PHLDA3: variants seen among roughly 807,000 people sequenced by gnomAD.
PHLDA3 encodes pleckstrin homology like domain family A member 3.
Under a neutral mutation model 7.6 loss-of-function variants are expected in PHLDA3, and 12 were observed. The observed-to-expected ratio is 1.58, with a 90% CI of 1.01 to 2.55. The LOEUF (loss-of-function observed/expected upper bound fraction) is 2.55. Among genes scored for constraint, PHLDA3 ranks in the 30% most tolerant of loss-of-function variants. The pLI, the probability that PHLDA3 is intolerant of heterozygous loss-of-function variation, is 0.00. For missense variants in PHLDA3, 177 were observed against 175.6 expected (o/e 1.01, Z -0.05); for synonymous variants, 104 against 85.1 (o/e 1.22, Z -1.23).
rs1013510636 is a variant in PHLDA3 at position 201,465,267 on chromosome 1, A to AAG, written c.*972_*973dup. The stretch of plus-strand genomic sequence containing the variant: ...GCAGGGGCAGGGTAGCCTCCTGTAG[A>AAG]AGAGACATTCATAGGGACTGAACTG... On this transcript the variant is annotated 3_prime_UTR_variant, in exon 2 of 2. Transcript: ENST00000367311. 76 of 152,380 alleles carry AAG rather than the reference A, an allele frequency of 5.0e-4. No homozygotes were observed. Among genetic ancestry groups the AAG allele is most frequent in the African/African-American group, 1.7e-3 (72 of 41,576 alleles). 9.4% of individuals were successfully genotyped at this position (152,380 alleles called of 1,614,324 possible). A position where few individuals can be genotyped will look rare whatever the true frequency, so the allele number is the denominator to read the frequency against.
Position 201,466,008 on chromosome 1 carries a change from T to C in PHLDA3, c.*233A>G, listed in dbSNP as rs928610066. ...CCCTGAGCTGGGCATGTCCTGAGAG[T>C]CTGGGACCATCCAGGGGCTGCATCT... On this transcript the variant is annotated 3_prime_UTR_variant, in exon 2 of 2. Coordinates refer to ENST00000367311, the MANE Select transcript of PHLDA3 (RefSeq NM_012396.5). 6.5e-6 allele frequency: 1 copy of C among 154,616 alleles called. No homozygotes were observed. The highest frequency in any genetic ancestry group is 2.4e-5 in the African/African-American group (1 of 41,406). The allele number at this position is 154,616 out of a possible 1,614,324, so 9.6% of individuals were successfully genotyped here.
At chr1:201,468,247 C>T (rs1305809675) in intron 1 of PHLDA3, 94 bp downstream of exon 1, 4 of 925,982 alleles carry the variant, frequency 4.3e-6, no homozygotes, top group Admixed American at 3.0e-5. Context: ...CTAAGATGTC[C>T]GGCTCTGAAG....
rs905577582 is a variant in PHLDA3, at chr1:201,468,773, G to A, written c.14C>T (p.Ala5Val). MTAA[A>V]TATVLKEGVL... ...GCCCTCCTTGAGCACGGTAGCCGTC[G>A]CCGCCGCCGTCATGGGCGCCCCGAG... Residue 5 changes from alanine to valine, a missense_variant, in exon 1 of 2, where the codon GCG becomes GTG. Ala to Val is a moderately conservative substitution (Grantham distance 64, BLOSUM62 0). Coordinates refer to ENST00000367311, the MANE Select transcript of PHLDA3 (RefSeq NM_012396.5). 3 of 1,559,490 alleles carry A rather than the reference G, an allele frequency of 1.9e-6. No individual in the cohort carries two copies. Among genetic ancestry groups the A allele is most frequent in the Non-Finnish European group, 2.6e-6 (3 of 1,160,782 alleles).
intron 1 of PHLDA3, among the ~76,000 whole-genome samples, chr1:201,467,788 C>G (rs1246300232): frequency 1.3e-5 from 2 of 152,210 alleles, no homozygotes; most frequent in African/African-American, 4.8e-5. Flanking sequence ...CTCCTTGGCT[C>G]TATTTGCAAC....
At chr1:201,468,088 C>T (rs1002075818) in intron 1 of PHLDA3, among the ~76,000 whole-genome samples, 4 of 152,216 alleles carry the variant, frequency 2.6e-5, no homozygotes, top group Admixed American at 2.6e-4. Flanking sequence ...ACCCAGGTAT[C>T]CCCCTCCCAG....
At position 201,465,943 on chromosome 1, in the gene PHLDA3, C is replaced by G. The variant is rs1663655199; in HGVS notation, c.*298G>C. The G allele has an allele frequency of 6.5e-6, 1 of 154,984 alleles. No individual in the cohort carries two copies. Among genetic ancestry groups the G allele is most frequent in the Non-Finnish European group, 1.5e-5 (1 of 68,360 alleles). The allele number at this position is 154,984 out of a possible 1,614,324, so 9.6% of individuals were successfully genotyped here. On this transcript the variant is annotated 3_prime_UTR_variant, in exon 2 of 2. Coordinates refer to ENST00000367311, the MANE Select transcript of PHLDA3 (RefSeq NM_012396.5). ...CAGGGAGGGGGCTCCTATGCCAGCT[C>G]CCCCTCATGCCATATGAGGCCAGGC...
At chr1:201,466,298 T>G (rs973467111) in intron 1 of PHLDA3, 120 bp from the exon 2 acceptor site, 1 of 152,072 alleles carries the variant, frequency 6.6e-6, no homozygotes, top group African/African-American at 2.4e-5. Context: ...GAAAACATTT[T>G]TTGCATACGT....
chr1:201,469,134 TGCGCGCTGG>T lies in PHLDA3; in HGVS notation c.-357_-349del, dbSNP rs1473950217. 2 of 238,488 alleles carry T rather than the reference TGCGCGCTGG, an allele frequency of 8.4e-6. No individual in the cohort carries two copies. Among genetic ancestry groups the T allele is most frequent in the Non-Finnish European group, 1.6e-5 (2 of 124,710 alleles). The allele number at this position is 238,488 out of a possible 1,614,324, so 14.8% of individuals were successfully genotyped here. A position where few individuals can be genotyped will look rare whatever the true frequency, so the allele number is the denominator to read the frequency against. Reference sequence around the variant, plus strand: ...TTCTCTTGCTCCCCTGGGCTCTGTCTGCGCGCTGGGCGGCAGCTCGCGGGATGTGCCCTT... The same window carrying T: ...TTCTCTTGCTCCCCTGGGCTCTGTCTGCGGCAGCTCGCGGGATGTGCCCTT... On this transcript the variant is annotated 5_prime_UTR_variant, in exon 1 of 2. Transcript: ENST00000367311.
At position 201,469,175 on chromosome 1, in the gene PHLDA3, T is replaced by A. The variant is rs1463075112; in HGVS notation, c.-389A>T. 5.7e-6 allele frequency: 1 copy of A among 176,848 alleles called. No individual in the cohort carries two copies. Among genetic ancestry groups the A allele is most frequent in the African/African-American group, 2.4e-5 (1 of 42,200 alleles). 11.0% of individuals were successfully genotyped at this position (176,848 alleles called of 1,614,324 possible). ...GCTCGCGGGATGTGCCCTTACATGTTCCGCCGCTCGCCTCCTGCGCCGCCC... is the reference window on the plus strand; with the variant it reads ...GCTCGCGGGATGTGCCCTTACATGTACCGCCGCTCGCCTCCTGCGCCGCCC... On this transcript the variant is annotated 5_prime_UTR_variant, in exon 1 of 2. Transcript: ENST00000367311.
rs1381622491 is a variant in PHLDA3, at chr1:201,465,972, T to C, written c.*269A>G. On this transcript the variant is annotated 3_prime_UTR_variant, in exon 2 of 2. Transcript: ENST00000367311. ...CTCATGCCATATGAGGCCAGGCCTG[T>C]GGCTCGAAGCCCCTGAGCTGGGCAT... is the stretch of plus-strand genomic sequence containing the variant. The C allele has an allele frequency of 1.3e-5, 2 of 154,928 alleles. No homozygotes were observed. Among genetic ancestry groups the C allele is most frequent in the African/African-American group, 4.8e-5 (2 of 41,510 alleles). 9.6% of individuals were successfully genotyped at this position (154,928 alleles called of 1,614,324 possible). A position where few individuals can be genotyped will look rare whatever the true frequency, so the allele number is the denominator to read the frequency against.
intron 1 of PHLDA3, 131 bp from the exon 2 acceptor site, chr1:201,466,309 A>C (rs1450582785): frequency 3.3e-4 from 50 of 152,260 alleles, no homozygotes; most frequent in African/African-American, 1.2e-3. Flanking sequence ...TTGCATACGT[A>C]CTGTGGTAAA....
chr1:201,468,080 C>G (rs759294109), intron 1 of PHLDA3, among the ~76,000 whole-genome samples: 29 of 152,200 alleles, frequency 1.9e-4, no homozygotes, highest in Non-Finnish European at 4.1e-4. Flanking sequence ...CTCATCTCAC[C>G]CAGGTATCCC....
chr1:201,468,084 G>A (rs938781029), intron 1 of PHLDA3, among the ~76,000 whole-genome samples: 1 of 152,198 alleles, frequency 6.6e-6, no homozygotes, highest in Non-Finnish European at 1.5e-5. Flanking sequence ...TCTCACCCAG[G>A]TATCCCCCTC....
Position 201,468,478 on chromosome 1 carries a change from G to T in PHLDA3, c.309C>A (p.Val103=). 2 of 1,614,186 alleles carry T rather than the reference G, an allele frequency of 1.2e-6. No homozygotes were observed. Among genetic ancestry groups the T allele is most frequent in the South Asian group, 1.1e-5 (1 of 91,068 alleles). The change falls in exon 1 of 2, where the codon GTC becomes GTA. Residue 103 remains valine (V), a synonymous_variant. Transcript: ENST00000367311. ...GGATGGCCTGCTGGTTCTTGAACTTGACCAGGCCTAGGGTGATCTGGGCGT... is the reference window on the plus strand; with the variant it reads ...GGATGGCCTGCTGGTTCTTGAACTTTACCAGGCCTAGGGTGATCTGGGCGT... ...GWNAQITLGL[V]KFKNQQAIQT... is the part of the protein sequence containing the mutation.
Position 201,465,911 on chromosome 1 carries a change from A to G in PHLDA3, c.*330T>C, listed in dbSNP as rs959246149. Reference sequence around the variant, plus strand: ...AGCAGTCTGCAGGACAGAGGGCAGGACCACAGCAGGGAGGGGGCTCCTATG... The same window carrying G: ...AGCAGTCTGCAGGACAGAGGGCAGGGCCACAGCAGGGAGGGGGCTCCTATG... On this transcript the variant is annotated 3_prime_UTR_variant, in exon 2 of 2. Coordinates refer to ENST00000367311, the MANE Select transcript of PHLDA3 (RefSeq NM_012396.5). 1 of 154,046 alleles carries G rather than the reference A, an allele frequency of 6.5e-6. No individual in the cohort carries two copies. The highest frequency in any genetic ancestry group is 1.5e-5 in the Non-Finnish European group (1 of 68,334). 9.5% of individuals were successfully genotyped at this position (154,046 alleles called of 1,614,324 possible).
intron 1 of PHLDA3, among the ~76,000 whole-genome samples, chr1:201,467,308 T>C (rs1054493721): frequency 3.3e-5 from 5 of 151,876 alleles, no homozygotes; most frequent in Admixed American, 6.6e-5. Context: ...GTAGAGATCC[T>C]GTCTCAAAAA....
intron 1 of PHLDA3, chr1:201,466,386 G>A (rs1161728725): frequency 6.6e-6 from 1 of 152,102 alleles, no homozygotes; most frequent in Non-Finnish European, 1.5e-5. Flanking sequence ...CAGCACAGGG[G>A]GTCTGCCTTA....
At chr1:201,468,215 G>T (rs1169161554) in intron 1 of PHLDA3, 126 bp downstream of exon 1, 15 of 713,142 alleles carry the variant, frequency 2.1e-5, no homozygotes, top group African/African-American at 3.6e-5. Flanking sequence ...CATGCCCTCA[G>T]TTGGCCCCAG....
intron 1 of PHLDA3, among the ~76,000 whole-genome samples, chr1:201,466,876 G>T (rs556664751): frequency 2.1e-5 from 3 of 144,770 alleles, no homozygotes; most frequent in Non-Finnish European, 4.5e-5. Flanking sequence ...CCCTGGCCCA[G>T]CCAGGCCTGA....
Sources: gnomAD v4.1 joint callset for allele counts (sites outside exome capture counted in the v4.1 genomes callset) on GRCh38, gnomAD v4.1.1 for gene constraint, MANE v1.5 for transcripts, NCBI Gene and HGNC (gene_info 2026-07-23, HGNC 2026-07-21) for gene names.